Variants in PSD3 observed in about 807,000 individuals in gnomAD.
PSD3 encodes the protein pleckstrin and Sec7 domain containing 3.
Under a neutral mutation model 105.5 loss-of-function variants are expected in PSD3, and 49 were observed. The ratio of observed to expected loss-of-function variants is 0.46; its 90% CI spans 0.37 to 0.59. The LOEUF is 0.59. Ranked by LOEUF, PSD3 falls within the 20% of genes least tolerant of loss-of-function variation. The pLI is 0.00. For synonymous variants in PSD3, 557 were observed against 457.8 expected (o/e 1.22, Z -2.77); for missense variants, 1,561 against 1,263.8 (o/e 1.24, Z -3.57).
chr8:18,670,200 G>C (rs906549473), intron 9 of PSD3, among the ~76,000 whole-genome samples: 1 of 152,190 alleles, frequency 6.6e-6, no homozygotes, highest in African/African-American at 2.4e-5. Context: ...GGTGTGGGGA[G>C]CGAGGTAAGC....
chr8:18,941,185 G>A (rs1049267131), intron 1 of PSD3, among the ~76,000 whole-genome samples: 15 of 152,028 alleles, frequency 9.9e-5, no homozygotes, highest in Non-Finnish European at 2.1e-4. Context: ...TTGTTTTTAC[G>A]AACATAAATC....
chr8:18,667,591 A>C (rs925048444), intron 9 of PSD3, among the ~76,000 whole-genome samples: 1 of 152,204 alleles, frequency 6.6e-6, no homozygotes, highest in African/African-American at 2.4e-5. Context: ...CAAGTCCCCA[A>C]ATAGATTTAG....
intron 2 of PSD3, among the ~76,000 whole-genome samples, chr8:18,922,699 T>C (rs112869264): frequency 4.5e-4 from 69 of 152,306 alleles, no homozygotes; most frequent in African/African-American, 1.6e-3. Flanking sequence ...TTGTTTCACC[T>C]GCGCTTCTGA....
intron 9 of PSD3, among the ~76,000 whole-genome samples, chr8:18,699,715 T>C (rs1801462627): frequency 6.6e-6 from 1 of 151,756 alleles, no homozygotes; most frequent in South Asian, 2.1e-4. Context: ...AAATTAATTA[T>C]AAACTTTTGG....
chr8:18,689,612 A>G (rs912024692), intron 9 of PSD3, among the ~76,000 whole-genome samples: 1 of 152,184 alleles, frequency 6.6e-6, no homozygotes, highest in Non-Finnish European at 1.5e-5. Flanking sequence ...ACACTCAGTT[A>G]ATTCAAAAGG....
intron 1 of PSD3, among the ~76,000 whole-genome samples, chr8:18,999,699 A>C (rs1826272474): frequency 6.6e-6 from 1 of 151,808 alleles, no homozygotes; most frequent in African/African-American, 2.4e-5. Context: ...ATATTTATAA[A>C]ATACAAATAT....
At chr8:18,606,080 G>A (rs982897176) in intron 11 of PSD3, among the ~76,000 whole-genome samples, 4 of 152,104 alleles carry the variant, frequency 2.6e-5, no homozygotes, top group African/African-American at 9.7e-5. Context: ...TCTAAGCACA[G>A]GTTTCTTTAA....
chr8:18,642,607 G>C (rs1408156398), intron 10 of PSD3, among the ~76,000 whole-genome samples: 1 of 152,056 alleles, frequency 6.6e-6, no homozygotes, highest in Admixed American at 6.6e-5. Context: ...AAATGCTTTA[G>C]GACAAGTAGG....
Position 18,657,263 on chromosome 8 carries a change from T to A in PSD3, c.2173-1578A>T, listed in dbSNP as rs571116140. ...TGTGTAAGCAAACAATGCACACCAA[T>A]AGTAAATTCACTTTTCAGCAAAATA... On this transcript the variant is annotated intron_variant, in intron 9 of 15. Coordinates refer to ENST00000327040, the MANE Select transcript of PSD3 (RefSeq NM_015310.4). 3.3e-5 allele frequency among the ~76,000 whole-genome samples: 5 copies of A among 152,308 alleles called. No homozygotes were observed. The South Asian group carries it at 1.0e-3, about 32-fold the overall frequency.
intron 2 of PSD3, among the ~76,000 whole-genome samples, chr8:18,915,938 G>A (rs1285067256): frequency 6.6e-6 from 1 of 151,676 alleles, no homozygotes; most frequent in Non-Finnish European, 1.5e-5. Flanking sequence ...TCTACTAAAA[G>A]TACAAAATTA....
At chr8:19,077,016 G>A (rs1288951203) in intron 1 of PSD3, among the ~76,000 whole-genome samples, 5 of 151,954 alleles carry the variant, frequency 3.3e-5, no homozygotes, top group South Asian at 2.1e-4. Flanking sequence ...GTTTATTACC[G>A]TCTACCTTTC....
chr8:18,855,172 T>A (rs1291475367), intron 4 of PSD3, among the ~76,000 whole-genome samples: 2 of 152,216 alleles, frequency 1.3e-5, no homozygotes, highest in Non-Finnish European at 2.9e-5. Context: ...CCTGGAGATT[T>A]AAAAGACTAA....
At chr8:19,067,065 A>G (rs1270826389) in intron 1 of PSD3, among the ~76,000 whole-genome samples, 2 of 152,220 alleles carry the variant, frequency 1.3e-5, no homozygotes, top group Admixed American at 6.5e-5. Flanking sequence ...TTATTAAATG[A>G]GTGAAAGCTA....
At chr8:19,011,176 A>C (rs1480947842) in intron 1 of PSD3, among the ~76,000 whole-genome samples, 1 of 152,162 alleles carries the variant, frequency 6.6e-6, no homozygotes, top group Non-Finnish European at 1.5e-5. Context: ...ACCCCATGTA[A>C]ACCTCAAACA....
At chr8:18,988,734 A>C (rs1380081939) in intron 1 of PSD3, among the ~76,000 whole-genome samples, 2 of 152,182 alleles carry the variant, frequency 1.3e-5, no homozygotes, top group African/African-American at 4.8e-5. Flanking sequence ...GAGTCCCCAA[A>C]CTTGGGGACT....
At chr8:18,658,522 T>A (rs1809066570) in intron 9 of PSD3, among the ~76,000 whole-genome samples, 1 of 126,842 alleles carries the variant, frequency 7.9e-6, no homozygotes, top group Non-Finnish European at 1.7e-5. Flanking sequence ...TACTATATAA[T>A]TCTTTTTTTT....
At chr8:19,061,475 T>C (rs1233608188) in intron 1 of PSD3, among the ~76,000 whole-genome samples, 1 of 152,058 alleles carries the variant, frequency 6.6e-6, no homozygotes, top group Non-Finnish European at 1.5e-5. Context: ...ATCTTGTTTG[T>C]TTGCTGGTGA....
intron 1 of PSD3, among the ~76,000 whole-genome samples, chr8:18,978,404 C>G (rs908656513): frequency 6.6e-6 from 1 of 152,204 alleles, no homozygotes; most frequent in Non-Finnish European, 1.5e-5. Flanking sequence ...GGATTTTGTT[C>G]AGATTTGGAA....
At chr8:18,614,251 A>G (rs973881121) in intron 11 of PSD3, among the ~76,000 whole-genome samples, 2 of 152,034 alleles carry the variant, frequency 1.3e-5, no homozygotes, top group African/African-American at 4.8e-5. Flanking sequence ...AGTTTTTATT[A>G]AGCTTCTCCA....
Sources: allele counts gnomAD v4.1 joint callset (sites outside exome capture counted in the v4.1 genomes callset), GRCh38; gene constraint gnomAD v4.1.1; transcripts MANE v1.5; gene names NCBI Gene and HGNC (gene_info 2026-07-23, HGNC 2026-07-21).